SCHIP1: variants seen among roughly 807,000 people sequenced by gnomAD.
SCHIP1 encodes the protein schwannomin-interacting protein 1.
SCHIP1 carries 8 observed loss-of-function variants against 29.7 expected under a neutral mutation model. The observed-to-expected ratio is 0.27, with a 90% CI of 0.16 to 0.49. The LOEUF (loss-of-function observed/expected upper bound fraction) is 0.49. SCHIP1 is among the 20% of genes least tolerant of loss of function. The pLI, the probability that SCHIP1 is intolerant of heterozygous loss-of-function variation, is 0.99. For synonymous variants in SCHIP1, 76 were observed against 94.9 expected (o/e 0.80, Z 1.16); for missense variants, 193 against 294.6 (o/e 0.66, Z 2.52).
the SCHIP1 span, among the ~76,000 whole-genome samples, chr3:159,458,114 G>C: frequency 2.0e-5 from 3 of 152,164 alleles, no homozygotes; most frequent in Admixed American, 6.6e-5. Context: ...AGAGCTCTGA[G>C]GAAATAATCC....
the SCHIP1 span, among the ~76,000 whole-genome samples, chr3:159,673,410 A>G: frequency 2.0e-5 from 3 of 152,316 alleles, no homozygotes; most frequent in South Asian, 6.2e-4. Context: ...GCTATAGACT[A>G]TTTCTTCAGT....
the SCHIP1 span, among the ~76,000 whole-genome samples, chr3:159,489,965 C>T: frequency 6.6e-6 from 1 of 152,044 alleles, no homozygotes; most frequent in Non-Finnish European, 1.5e-5. Flanking sequence ...GCTCTAGTTA[C>T]CTCTGGAGAG....
chr3:159,851,036 G>A (rs376872067), intron 1 of SCHIP1, among the ~76,000 whole-genome samples: 66 of 152,284 alleles, frequency 4.3e-4, no homozygotes, highest in African/African-American at 1.5e-3. Flanking sequence ...TACTTTTGGA[G>A]GCCAAGATAG....
At chr3:159,677,223 C>T in the SCHIP1 span, among the ~76,000 whole-genome samples, 387 of 152,332 alleles carry the variant, frequency 2.5e-3, 2 homozygotes, top group Middle Eastern at 0.01. Context: ...AAGCCTACAA[C>T]CCTGACCTAT....
chr3:159,388,542 A>G, the SCHIP1 span, among the ~76,000 whole-genome samples: 1 of 152,116 alleles, frequency 6.6e-6, no homozygotes, highest in Non-Finnish European at 1.5e-5. Flanking sequence ...AATTCCTACA[A>G]ATCTTTTGTG....
intron 2 of SCHIP1, 144 bp from the exon 4 acceptor site, chr3:159,886,063 T>A: frequency 1.4e-6 from 1 of 715,700 alleles, no homozygotes; most frequent in East Asian, 2.6e-5. Context: ...GTTATTTATA[T>A]GTGGAGAGTA....
At chr3:159,685,184 T>C in the SCHIP1 span, among the ~76,000 whole-genome samples, 1 of 152,338 alleles carries the variant, frequency 6.6e-6, no homozygotes, top group Admixed American at 6.5e-5. Flanking sequence ...AACTTATATC[T>C]TTGTGTGCAT....
At chr3:159,896,858 AAACAAAT>A in exon 7 of SCHIP1, 1 of 1,404,796 alleles carries the variant, frequency 7.1e-7, no homozygotes, top group Non-Finnish European at 9.6e-7. Flanking sequence ...GGTGGCGCAG[AAACAAAT>A]ATCAGTGTTA....
intron 2 of SCHIP1, among the ~76,000 whole-genome samples, chr3:159,870,718 T>A (rs1715166462): frequency 6.6e-6 from 1 of 151,970 alleles, no homozygotes; most frequent in African/African-American, 2.4e-5. Context: ...TTGTTTAGGA[T>A]TGTTAGGTTT....
At chr3:159,284,834 C>T in the SCHIP1 span, among the ~76,000 whole-genome samples, 1 of 151,908 alleles carries the variant, frequency 6.6e-6, no homozygotes, top group Non-Finnish European at 1.5e-5. Flanking sequence ...TTTATTTTTT[C>T]TTCAGTTTAA....
chr3:159,657,258 CT>C, the SCHIP1 span, among the ~76,000 whole-genome samples: 1 of 152,184 alleles, frequency 6.6e-6, no homozygotes, highest in Admixed American at 6.5e-5. Flanking sequence ...GATCAGTGAC[CT>C]CTTCAATTAC....
At chr3:159,683,545 TAG>T in the SCHIP1 span, among the ~76,000 whole-genome samples, 5 of 152,214 alleles carry the variant, frequency 3.3e-5, 1 homozygote, top group African/African-American at 1.2e-4. Context: ...TCATTCTGTT[TAG>T]ACCTATCCCT....
At chr3:159,306,721 C>T in the SCHIP1 span, 1 of 206,738 alleles carries the variant, frequency 4.8e-6, no homozygotes, top group Middle Eastern at 2.6e-3. Flanking sequence ...ATGTAATGTT[C>T]TACCTTAGTA....
the SCHIP1 span, among the ~76,000 whole-genome samples, chr3:159,511,249 G>A: frequency 6.6e-6 from 1 of 152,214 alleles, no homozygotes; most frequent in African/African-American, 2.4e-5. Context: ...GGCTCCATGG[G>A]CGTTGGACCC....
the SCHIP1 span, among the ~76,000 whole-genome samples, chr3:159,381,861 G>A: frequency 2.0e-5 from 3 of 152,140 alleles, no homozygotes; most frequent in African/African-American, 4.8e-5. Flanking sequence ...GCTTCCCAAA[G>A]TGCTAAGATT....
chr3:159,686,808 T>C, the SCHIP1 span, among the ~76,000 whole-genome samples: 1 of 152,192 alleles, frequency 6.6e-6, no homozygotes, highest in South Asian at 2.1e-4. Flanking sequence ...CAGATTAAAC[T>C]CTGTCTCTTT....
the SCHIP1 span, among the ~76,000 whole-genome samples, chr3:159,335,936 T>C: frequency 3.3e-5 from 5 of 152,216 alleles, no homozygotes; most frequent in African/African-American, 4.8e-5. Context: ...TCCACAATGG[T>C]TGAACTAGTT....
At chr3:159,630,764 CG>C in the SCHIP1 span, among the ~76,000 whole-genome samples, 1 of 152,092 alleles carries the variant, frequency 6.6e-6, no homozygotes, top group Non-Finnish European at 1.5e-5. Flanking sequence ...AAATTAGGTA[CG>C]GTGTACACTG....
At chr3:159,499,691 C>T in the SCHIP1 span, among the ~76,000 whole-genome samples, 1 of 152,322 alleles carries the variant, frequency 6.6e-6, no homozygotes, top group East Asian at 1.9e-4. Context: ...GTATTCAAAA[C>T]ATCTAGTGCA....
Sources: allele counts gnomAD v4.1 joint callset (sites outside exome capture counted in the v4.1 genomes callset), GRCh38; gene constraint gnomAD v4.1.1; transcripts MANE v1.5; gene names NCBI Gene and HGNC (gene_info 2026-07-23, HGNC 2026-07-21).